The following AP3S1 variants were observed in gnomAD, a reference collection of about 807,000 sequenced individuals.
The protein encoded by AP3S1 is AP-3 complex subunit sigma-1.
In AP3S1, 12 loss-of-function variants were observed where a neutral mutation model predicts 21.3. The ratio of observed to expected loss-of-function variants is 0.56; its 90% confidence interval spans 0.36 to 0.91. AP3S1 has a LOEUF of 0.91. AP3S1 is among the 40% of genes least tolerant of loss of function. The pLI is 0.01. For synonymous variants in AP3S1, 48 were observed against 78.4 expected (o/e 0.61, Z 2.05); for missense variants, 116 against 225.0 (o/e 0.52, Z 3.10).
At chr5:115,866,260 A>G (rs1027005125) in intron 1 of AP3S1, among the ~76,000 whole-genome samples, 1 of 152,204 alleles carries the variant, frequency 6.6e-6, no homozygotes, top group Non-Finnish European at 1.5e-5. Context: ...GAAGCTCCAT[A>G]GTTCTATTTC....
intron 3 of AP3S1, among the ~76,000 whole-genome samples, chr5:115,871,101 C>A (rs919881341): frequency 9.2e-5 from 14 of 152,184 alleles, no homozygotes; most frequent in African/African-American, 3.4e-4. Flanking sequence ...GGAAGGAAGA[C>A]TGTCTCTTCC....
Position 115,913,714 on chromosome 5 carries a change from T to C in AP3S1, c.*224T>C, listed in dbSNP as rs1354982764. ...GAGTAGTTCCTATGTGATTTTTTTT[T>C]TTCTTTTCTAAACTGCATTCCTGTG... On this transcript the variant is annotated 3_prime_UTR_variant, in exon 6 of 6. Transcript: ENST00000316788. The C allele has an allele frequency of 1.3e-6, 1 of 780,226 alleles. No individual in the cohort carries two copies. The highest frequency in any genetic ancestry group is 1.8e-5 in the African/African-American group (1 of 56,592). The allele number at this position is 780,226 out of a possible 1,614,324, so 48.3% of individuals were successfully genotyped here. A position where few individuals can be genotyped will look rare whatever the true frequency, so the allele number is the denominator to read the frequency against.
intron 3 of AP3S1, among the ~76,000 whole-genome samples, chr5:115,887,617 A>T (rs1749914676): frequency 6.6e-6 from 1 of 152,102 alleles, no homozygotes; most frequent in Non-Finnish European, 1.5e-5. Flanking sequence ...CTTTTGTGAG[A>T]CATTGTTGTA....
At chr5:115,855,890 A>G (rs571511100) in intron 1 of AP3S1, among the ~76,000 whole-genome samples, 19 of 152,118 alleles carry the variant, frequency 1.2e-4, no homozygotes, top group Admixed American at 1.2e-3. Flanking sequence ...GACATTGACT[A>G]TGATTAGAGG....
intron 1 of AP3S1, among the ~76,000 whole-genome samples, chr5:115,847,770 T>G (rs1331238045): frequency 2.0e-5 from 3 of 152,228 alleles, no homozygotes; most frequent in Non-Finnish European, 4.4e-5. Context: ...TATTCCCTCT[T>G]TATTAGCTTT....
At chr5:115,880,263 C>G (rs1236282788) in intron 3 of AP3S1, among the ~76,000 whole-genome samples, 1 of 152,060 alleles carries the variant, frequency 6.6e-6, no homozygotes, top group Non-Finnish European at 1.5e-5. Context: ...TTTGCTCTTG[C>G]TTCTCTAGTT....
intron 3 of AP3S1, among the ~76,000 whole-genome samples, chr5:115,882,517 T>G (rs1749389530): frequency 6.6e-6 from 1 of 152,178 alleles, no homozygotes; most frequent in African/African-American, 2.4e-5. Context: ...TGCCTGGGTA[T>G]CACCAGAGGA....
In AP3S1 at chr5:115,847,561, A is replaced by G. The variant is rs536906114; in HGVS notation, c.69+5455A>G. Reference sequence around the variant, plus strand: ...CTGAGCTCCGGAGATCAAGGCTGCAATGAGCTGAGATTGCGCCATTGCGCT... The same window carrying G: ...CTGAGCTCCGGAGATCAAGGCTGCAGTGAGCTGAGATTGCGCCATTGCGCT... On this transcript the variant is annotated intron_variant, in intron 1 of 5. Coordinates refer to ENST00000316788, the MANE Select transcript of AP3S1 (RefSeq NM_001284.4). Among the ~76,000 whole-genome samples the G allele has an allele frequency of 3.3e-5, 5 of 152,348 alleles. 1 individual carries two copies. Among genetic ancestry groups the G allele is most frequent in the South Asian group, 4.1e-4 (2 of 4,828 alleles).
chr5:115,901,724 G>T (rs1751232088), intron 4 of AP3S1, among the ~76,000 whole-genome samples: 1 of 151,910 alleles, frequency 6.6e-6, no homozygotes, highest in Admixed American at 6.6e-5. Flanking sequence ...CTGGCTAATT[G>T]TCTGCATTTT....
At chr5:115,901,392 CTTTTTTTTTT>C (rs35793318) in intron 4 of AP3S1, among the ~76,000 whole-genome samples, 2 of 111,640 alleles carry the variant, frequency 1.8e-5, no homozygotes, top group East Asian at 5.3e-4. Context: ...TGCCTATATT[CTTTTTTTTTT>C]TTTTTTTTTT....
At chr5:115,897,445 A>C (rs899802112) in intron 4 of AP3S1, among the ~76,000 whole-genome samples, 4 of 152,182 alleles carry the variant, frequency 2.6e-5, no homozygotes, top group African/African-American at 9.7e-5. Context: ...CTTTGCTTTC[A>C]GCCCTTTGAT....
chr5:115,884,027 G>A (rs1469118610), intron 3 of AP3S1, among the ~76,000 whole-genome samples: 1 of 152,042 alleles, frequency 6.6e-6, no homozygotes, highest in Non-Finnish European at 1.5e-5. Flanking sequence ...TATAGTACAA[G>A]CACTCCTCAC....
intron 3 of AP3S1, among the ~76,000 whole-genome samples, chr5:115,881,638 T>C (rs1021190223): frequency 6.6e-6 from 1 of 152,176 alleles, no homozygotes. Context: ...TTTAACATTT[T>C]TTCCTTCATT....
chr5:115,890,827 G>A (rs1256446245), intron 3 of AP3S1, among the ~76,000 whole-genome samples: 2 of 152,196 alleles, frequency 1.3e-5, no homozygotes, highest in Middle Eastern at 3.2e-3. Context: ...ATCCCAGGCT[G>A]TCTAGTTTCT....
At chr5:115,907,945 G>GA (rs1277788143) in intron 5 of AP3S1, among the ~76,000 whole-genome samples, 3 of 152,094 alleles carry the variant, frequency 2.0e-5, no homozygotes, top group Middle Eastern at 6.8e-3. Context: ...TCCTATGGAG[G>GA]AAAAAATGTA....
intron 5 of AP3S1, among the ~76,000 whole-genome samples, chr5:115,910,094 C>G (rs529253369): frequency 1.3e-5 from 2 of 152,106 alleles, no homozygotes; most frequent in South Asian, 2.1e-4. Context: ...GAGACCCCAT[C>G]TCTACAAATG....
At chr5:115,868,491 A>G (rs1311313241) in intron 2 of AP3S1, among the ~76,000 whole-genome samples, 1 of 151,668 alleles carries the variant, frequency 6.6e-6, no homozygotes, top group Admixed American at 6.6e-5. Flanking sequence ...GTCAAAGATC[A>G]TTTCTCCTTT....
At chr5:115,911,496 T>C (rs1752107927) in intron 5 of AP3S1, among the ~76,000 whole-genome samples, 1 of 152,090 alleles carries the variant, frequency 6.6e-6, no homozygotes, top group Non-Finnish European at 1.5e-5. Flanking sequence ...AGTGGCAAAT[T>C]GGTCTTTTAA....
chr5:115,850,321 G>A (rs926658853), intron 1 of AP3S1, among the ~76,000 whole-genome samples: 1 of 152,120 alleles, frequency 6.6e-6, no homozygotes, highest in Non-Finnish European at 1.5e-5. Context: ...ATATCTTAGT[G>A]TGACATGAAA....
Sources: allele counts gnomAD v4.1 joint callset (sites outside exome capture counted in the v4.1 genomes callset), GRCh38; gene constraint gnomAD v4.1.1; transcripts MANE v1.5; gene names NCBI Gene and HGNC (gene_info 2026-07-23, HGNC 2026-07-21).